ANKRD30BL: variants seen among roughly 807,000 people sequenced by gnomAD.
ANKRD30BL encodes putative ankyrin repeat domain-containing protein 30B-like.
A neutral mutation model predicts 18.4 loss-of-function variants in ANKRD30BL; 20 were observed. The ratio of observed to expected loss-of-function variants is 1.09; its 90% CI spans 0.77 to 1.58. ANKRD30BL has a LOEUF of 1.58. ANKRD30BL is among the 40% of genes most tolerant of loss of function. The probability of loss-of-function intolerance (pLI) is 0.00; values close to 1 mark genes in which losing one functional copy is unlikely to be tolerated. For missense variants in ANKRD30BL, 224 were observed against 268.6 expected, an observed-to-expected ratio of 0.83 and a Z score of 1.16; for synonymous variants, 72 against 100.9, an observed-to-expected ratio of 0.71 and a Z score of 1.72.
intron 1 of ANKRD30BL, among the ~76,000 whole-genome samples, chr2:132,201,303 A>G (rs953307387): frequency 6.6e-6 from 1 of 152,212 alleles, no homozygotes; most frequent in African/African-American, 2.4e-5. Flanking sequence ...ATGGGATCTA[A>G]TTAAACTGAA....
At chr2:132,250,872 G>T (rs1446305590) in intron 1 of ANKRD30BL, among the ~76,000 whole-genome samples, 1 of 152,030 alleles carries the variant, frequency 6.6e-6, no homozygotes, top group Non-Finnish European at 1.5e-5. Flanking sequence ...AAAATTACTA[G>T]TTGTTATTAT....
At chr2:132,216,494 G>A (rs1430265879) in intron 1 of ANKRD30BL, among the ~76,000 whole-genome samples, 8 of 151,028 alleles carry the variant, frequency 5.3e-5, no homozygotes, top group East Asian at 2.0e-4. Flanking sequence ...CATTTTGTTC[G>A]CTTTGAGGCC....
chr2:132,211,462 G>C (rs1483594577), intron 1 of ANKRD30BL, among the ~76,000 whole-genome samples: 1 of 152,122 alleles, frequency 6.6e-6, no homozygotes, highest in Non-Finnish European at 1.5e-5. Context: ...ATCTCACAGA[G>C]TTGAACCTTA....
In ANKRD30BL at chr2:132,157,420, A is replaced by G. The variant is rs1340478030; in HGVS notation, c.222T>C (p.Thr74=). ...DLNIRDAKKR[T]ALYWACANGH... is the part of the protein sequence containing the mutation. ...CATTGGCACAGGCCCAGTATAGAGCAGTCCTACAAGAATGAGAGGCCTTTT... is the reference window on the plus strand; with the variant it reads ...CATTGGCACAGGCCCAGTATAGAGCGGTCCTACAAGAATGAGAGGCCTTTT... The change falls in exon 2 of 6, where the codon ACT becomes ACC. Residue 74 remains threonine (T), a synonymous_variant. Coordinates refer to ENST00000409867, the MANE Select transcript of ANKRD30BL (RefSeq NM_001358416.1). 1 of 672,052 alleles carries G rather than the reference A, an allele frequency of 1.5e-6. No homozygotes were observed. Among genetic ancestry groups the G allele is most frequent in the Non-Finnish European group, 2.7e-6 (1 of 363,806 alleles). 41.6% of individuals were successfully genotyped at this position (672,052 alleles called of 1,614,324 possible). A position where few individuals can be genotyped will look rare whatever the true frequency, so the allele number is the denominator to read the frequency against.
intron 4 of ANKRD30BL, among the ~76,000 whole-genome samples, chr2:132,151,993 C>A (rs1687768717): frequency 1.3e-5 from 2 of 151,996 alleles, no homozygotes; most frequent in Non-Finnish European, 2.9e-5. Context: ...CAAAACCCTA[C>A]CTTTATTTTT....
At chr2:132,232,005 C>T (rs190099350) in intron 1 of ANKRD30BL, among the ~76,000 whole-genome samples, 1 of 152,326 alleles carries the variant, frequency 6.6e-6, no homozygotes, top group East Asian at 1.9e-4. Context: ...GGCAGACTGC[C>T]TCATCAAGTG....
chr2:132,200,174 C>A lies in ANKRD30BL; in HGVS notation n.442-43028G>T, dbSNP rs1380431784. Among the ~76,000 whole-genome samples, 4 of 151,794 alleles carry A rather than the reference C, an allele frequency of 2.6e-5. No individual in the cohort carries two copies. In the South Asian group the frequency reaches 8.3e-4, roughly 32 times the overall value. ...TAATAAGAGCTATCTATGACAAACC[C>A]ACAGCCAATATCATACTGAATGGGC... On this transcript the variant is annotated intron_variant and non_coding_transcript_variant, in intron 1 of 4. Coordinates refer to the ANKRD30BL transcript ENST00000470729.
intron 1 of ANKRD30BL, chr2:132,257,025 G>A (rs553878805): frequency 5.8e-6 from 3 of 515,860 alleles, no homozygotes; most frequent in African/African-American, 3.9e-5. Context: ...CACCGCCACA[G>A]ACAGGAGGGA....
At chr2:132,188,566 C>T (rs1212129997) in intron 1 of ANKRD30BL, among the ~76,000 whole-genome samples, 1 of 152,114 alleles carries the variant, frequency 6.6e-6, no homozygotes, top group African/African-American at 2.4e-5. Flanking sequence ...AAAAATTAGC[C>T]GGGCATGGTG....
At chr2:132,241,202 T>C (rs950904299) in intron 1 of ANKRD30BL, among the ~76,000 whole-genome samples, 12 of 151,646 alleles carry the variant, frequency 7.9e-5, no homozygotes, top group Non-Finnish European at 1.5e-4. Context: ...AGAAGAATTC[T>C]CAGAAACTTC....
intron 1 of ANKRD30BL, among the ~76,000 whole-genome samples, chr2:132,254,224 G>A (rs1047758818): frequency 1.1e-4 from 17 of 152,052 alleles, no homozygotes; most frequent in Admixed American, 6.6e-4. Flanking sequence ...TCTGGCTCTC[G>A]GGGCAGGTGG....
intron 1 of ANKRD30BL, among the ~76,000 whole-genome samples, chr2:132,195,788 CAAAAAAA>C (rs1205804103): frequency 0.025 from 1,224 of 48,686 alleles, 22 homozygotes; most frequent in African/African-American, 0.06. Context: ...GAGCCTCTGC[CAAAAAAA>C]AAAAAAAAAA....
chr2:132,198,264 TTTCTTTTCTTTCTTTCTTTC>T (rs1679006683), intron 1 of ANKRD30BL, among the ~76,000 whole-genome samples: 2 of 135,766 alleles, frequency 1.5e-5, no homozygotes, highest in Non-Finnish European at 3.0e-5. Flanking sequence ...ACCTTCTTTC[TTTCTTTTCTTTCTTTCTTTC>T]TTTCTTTCTT....
chr2:132,225,109 T>C lies in ANKRD30BL; in HGVS notation n.441+32420A>G, dbSNP rs1445021360. ...TCTTTTAGTAGAATCTGCAAGTGGA[T>C]ATTTGGACCGCTTTGAGGCCTTCGT... is the stretch of plus-strand genomic sequence containing the variant. On this transcript the variant is annotated intron_variant and non_coding_transcript_variant, in intron 1 of 4. Coordinates refer to the ANKRD30BL transcript ENST00000470729. 2.6e-5 allele frequency among the ~76,000 whole-genome samples: 4 copies of C among 152,032 alleles called. No individual in the cohort carries two copies. The East Asian group carries it at 7.7e-4, about 29-fold the overall frequency.
intron 1 of ANKRD30BL, among the ~76,000 whole-genome samples, chr2:132,218,263 A>C (rs537513624): frequency 1.7e-3 from 254 of 152,246 alleles, no homozygotes; most frequent in Admixed American, 4.1e-3. Context: ...GTCTGCTTTG[A>C]GGCCTTCTTT....
At chr2:132,161,252 G>T (rs1007438986) in intron 1 of ANKRD30BL, among the ~76,000 whole-genome samples, 2 of 152,172 alleles carry the variant, frequency 1.3e-5, no homozygotes, top group African/African-American at 4.8e-5. Context: ...CTAAAGTTTG[G>T]GGTTGATTTT....
chr2:132,198,180 G>T (rs1290628254), intron 1 of ANKRD30BL, among the ~76,000 whole-genome samples: 1 of 151,422 alleles, frequency 6.6e-6, no homozygotes, highest in Non-Finnish European at 1.5e-5. Flanking sequence ...TTTTGCAATT[G>T]TATAGTTTTT....
chr2:132,253,107 C>T, intron 1 of ANKRD30BL: 2 of 174,664 alleles, frequency 1.1e-5, no homozygotes, highest in Non-Finnish European at 2.5e-5. Context: ...AACAGTCATG[C>T]ACCCCGAGGA....
At chr2:132,199,777 G>A (rs1382029346) in intron 1 of ANKRD30BL, among the ~76,000 whole-genome samples, 1 of 152,092 alleles carries the variant, frequency 6.6e-6, no homozygotes, top group Non-Finnish European at 1.5e-5. Flanking sequence ...GTTTAAATAT[G>A]TAGGATATTT....
Sources: gnomAD v4.1 joint callset for allele counts (sites outside exome capture counted in the v4.1 genomes callset) on GRCh38, gnomAD v4.1.1 for gene constraint, MANE v1.5 for transcripts, NCBI Gene and HGNC (gene_info 2026-07-23, HGNC 2026-07-21) for gene names.